The following TRAF3 variants were observed in gnomAD, a reference collection of about 807,000 sequenced individuals.
TRAF3 encodes the protein TNF receptor associated factor 3.
TRAF3 carries 13 observed loss-of-function variants against 62.3 expected under a neutral mutation model. The ratio of observed to expected loss-of-function variants is 0.21; its 90% confidence interval spans 0.14 to 0.33. The LOEUF is 0.33. Among genes scored for constraint, TRAF3 ranks in the 10% least tolerant of loss-of-function variants. The pLI is 1.00. For synonymous variants in TRAF3, 269 were observed against 283.4 expected (o/e 0.95, Z 0.51); for missense variants, 440 against 741.8 (o/e 0.59, Z 4.73).
chr14:102,795,019 A>C (rs1897995340), intron 1 of TRAF3, among the ~76,000 whole-genome samples: 1 of 152,202 alleles, frequency 6.6e-6, no homozygotes, highest in Non-Finnish European at 1.5e-5. Context: ...TGTTCTTAAA[A>C]AAAGCTTCAT....
intron 1 of TRAF3, among the ~76,000 whole-genome samples, chr14:102,828,807 A>G (rs1385984066): frequency 2.0e-5 from 3 of 152,202 alleles, no homozygotes; most frequent in African/African-American, 7.2e-5. Context: ...TGTTCTTTGA[A>G]GAGATCTGCT....
At chr14:102,861,511 C>T (rs1887677468) in intron 2 of TRAF3, among the ~76,000 whole-genome samples, 1 of 152,164 alleles carries the variant, frequency 6.6e-6, no homozygotes, top group African/African-American at 2.4e-5. Context: ...AACCCAATCC[C>T]ATCCTTTACC....
Position 102,905,604 on chromosome 14 carries a change from A to T in TRAF3, c.1527A>T (p.Gly509=), listed in dbSNP as rs202084269. The T allele has an allele frequency of 1.9e-6, 3 of 1,614,050 alleles. No homozygotes were observed. The African/African-American group carries it at 4.0e-5, about 22-fold the overall frequency. ...AGGGGTCCTCTCGACGTCATTTGGG[A>T]GATGCATTCAAGCCCGACCCCAACA... ...MDQGSSRRHL[G]DAFKPDPNSS... is the part of the protein sequence containing the mutation. The change falls in exon 12 of 12, where the codon GGA becomes GGT. Residue 509 remains glycine (G), a synonymous_variant. Coordinates refer to ENST00000392745, the MANE Select transcript of TRAF3 (RefSeq NM_145725.3).
rs145937036 is a variant in TRAF3, at chr14:102,883,264, G to A, written c.571-2925G>A. Among the ~76,000 whole-genome samples the A allele has an allele frequency of 1.1e-3, 172 of 152,352 alleles. 2 individuals carry two copies. Among genetic ancestry groups the A allele is most frequent in the Middle Eastern group, 6.8e-3 (2 of 294 alleles). ...ATACAGTAGTGAAAGTTAGAGGCCT[G>A]CAGTTATTTGCAATAGGCAGATGAG... On this transcript the variant is annotated intron_variant, in intron 6 of 11. Transcript: ENST00000392745.
intron 2 of TRAF3, among the ~76,000 whole-genome samples, chr14:102,851,852 C>T (rs954687723): frequency 3.3e-5 from 5 of 151,992 alleles, no homozygotes; most frequent in South Asian, 2.1e-4. Flanking sequence ...GCCACATTGG[C>T]GAGACCTACC....
At chr14:102,817,617 C>G (rs985690764) in intron 1 of TRAF3, among the ~76,000 whole-genome samples, 6 of 152,104 alleles carry the variant, frequency 3.9e-5, no homozygotes, top group African/African-American at 1.4e-4. Context: ...TTTCCAAAAG[C>G]TGAGAGTAAG....
At chr14:102,798,893 C>T (rs1435427192) in intron 1 of TRAF3, among the ~76,000 whole-genome samples, 4 of 152,162 alleles carry the variant, frequency 2.6e-5, no homozygotes, top group Non-Finnish European at 5.9e-5. Flanking sequence ...CTGCCAGTTT[C>T]AGTCTGGAAC....
At chr14:102,872,658 ATTCTT>A (rs893361774) in intron 4 of TRAF3, among the ~76,000 whole-genome samples, 9 of 151,270 alleles carry the variant, frequency 5.9e-5, no homozygotes, top group Non-Finnish European at 1.3e-4. Flanking sequence ...GTTTGAAACA[ATTCTT>A]TTCTTTTCTT....
At chr14:102,816,006 C>T (rs1899495925) in intron 1 of TRAF3, among the ~76,000 whole-genome samples, 1 of 152,070 alleles carries the variant, frequency 6.6e-6, no homozygotes, top group African/African-American at 2.4e-5. Context: ...TATTCTTTCT[C>T]CATTGAATGG....
rs960014283 is a variant in TRAF3 at position 102,787,940 on chromosome 14, G to A, written c.-157+10265G>A. Among the ~76,000 whole-genome samples, 12 of 149,276 alleles carry A rather than the reference G, an allele frequency of 8.0e-5. No homozygotes were observed. In the East Asian group the frequency reaches 1.2e-3, roughly 15 times the overall value. On this transcript the variant is annotated intron_variant, in intron 1 of 11. Transcript: ENST00000392745. ...GATCTTGGCTCACTGCAACCTATGC[G>A]TCCCAGGTTCAAGCCATTCTCATGC...
At chr14:102,888,644 A>T (rs1461541474) in intron 7 of TRAF3, among the ~76,000 whole-genome samples, 1 of 152,204 alleles carries the variant, frequency 6.6e-6, no homozygotes, top group Non-Finnish European at 1.5e-5. Flanking sequence ...CCTCCCAAAA[A>T]GAGTCTGTTT....
At position 102,870,465 on chromosome 14, in the gene TRAF3, C is replaced by T. The variant is rs191447207; in HGVS notation, c.245+19C>T. ...TGCTGAGGTAGGCGCCCTCGCCCGG[C>T]CCGTCGCCCGGCCCCTTCTCAGCCC... On this transcript the variant is annotated intron_variant, in intron 3 of 11. Coordinates refer to ENST00000392745, the MANE Select transcript of TRAF3 (RefSeq NM_145725.3). 5.8e-5 allele frequency: 93 copies of T among 1,608,008 alleles called. No individual in the cohort carries two copies. In the East Asian group the frequency reaches 1.9e-3, roughly 34 times the overall value.
At chr14:102,820,220 C>T (rs1446812294) in intron 1 of TRAF3, among the ~76,000 whole-genome samples, 1 of 152,094 alleles carries the variant, frequency 6.6e-6, no homozygotes, top group Non-Finnish European at 1.5e-5. Flanking sequence ...TCAAATGTGT[C>T]CCTCTCAGAG....
chr14:102,808,445 A>G (rs1323298749), intron 1 of TRAF3, among the ~76,000 whole-genome samples: 3 of 151,772 alleles, frequency 2.0e-5, no homozygotes, highest in South Asian at 4.2e-4. Flanking sequence ...CCCAGGAGGC[A>G]GAGGTTGAAG....
intron 2 of TRAF3, among the ~76,000 whole-genome samples, chr14:102,851,172 A>G (rs1021683907): frequency 6.6e-6 from 1 of 152,248 alleles, no homozygotes; most frequent in African/African-American, 2.4e-5. Flanking sequence ...AATAATTATT[A>G]TAAATATTGT....
intron 2 of TRAF3, among the ~76,000 whole-genome samples, chr14:102,869,048 A>G (rs1458602064): frequency 6.6e-6 from 1 of 152,346 alleles, no homozygotes; most frequent in African/African-American, 2.4e-5. Context: ...CTGCCAGCCC[A>G]GCCCTTGGGC....
rs753728001 is a variant in TRAF3, at chr14:102,905,415, C to T, written c.1338C>T (p.Tyr446=). Residue 446 remains tyrosine (Y), a synonymous_variant, in exon 12 of 12, where the codon TAC becomes TAT. Transcript: ENST00000392745. Reference sequence around the variant, plus strand: ...TGTCCCTTTACAGCCAGCCTTTCTACACTGGTTACTTTGGCTATAAGATGT... The same window carrying T: ...TGTCCCTTTACAGCCAGCCTTTCTATACTGGTTACTTTGGCTATAAGATGT... ...KTLSLYSQPF[Y]TGYFGYKMCA... is the part of the protein sequence containing the mutation. The T allele has an allele frequency of 1.2e-6, 2 of 1,614,256 alleles. No homozygotes were observed. The highest frequency in any genetic ancestry group is 1.7e-6 in the Non-Finnish European group (2 of 1,180,050).
chr14:102,853,216 A>G (rs571725894), intron 2 of TRAF3, among the ~76,000 whole-genome samples: 1 of 150,986 alleles, frequency 6.6e-6, no homozygotes, highest in African/African-American at 2.4e-5. Context: ...TTTTTTTTAG[A>G]GGCTGACTGA....
At chr14:102,853,011 C>T (rs1267437662) in intron 2 of TRAF3, among the ~76,000 whole-genome samples, 1 of 152,114 alleles carries the variant, frequency 6.6e-6, no homozygotes, top group African/African-American at 2.4e-5. Flanking sequence ...CTCATATTCT[C>T]CTGCCTCAGC....
Sources: gnomAD v4.1 joint callset for allele counts (sites outside exome capture counted in the v4.1 genomes callset) on GRCh38, gnomAD v4.1.1 for gene constraint, MANE v1.5 for transcripts, NCBI Gene and HGNC (gene_info 2026-07-23, HGNC 2026-07-21) for gene names.